The following LIPJ variants were observed in gnomAD, a reference collection of about 807,000 sequenced individuals.
The protein encoded by LIPJ is lipase member J.
A neutral mutation model predicts 39.8 loss-of-function variants in LIPJ; 33 were observed. The observed-to-expected ratio is 0.83, with a 90% CI of 0.63 to 1.11. LIPJ has a LOEUF of 1.11. LIPJ is among the 50% of genes least tolerant of loss of function. The pLI is 0.00. For synonymous variants in LIPJ, 128 were observed against 139.2 expected, an observed-to-expected ratio of 0.92 and a Z score of 0.57; for missense variants, 422 against 427.9, an observed-to-expected ratio of 0.99 and a Z score of 0.12.
At chr10:88,615,110 A>C in the LIPJ span, among the ~76,000 whole-genome samples, 2 of 152,210 alleles carry the variant, frequency 1.3e-5, no homozygotes, top group African/African-American at 4.8e-5. Flanking sequence ...GAGTAAGCAA[A>C]GATTTCTTAA....
chr10:88,608,740 T>C (rs1211046999), downstream of LIPJ, among the ~76,000 whole-genome samples: 4 of 152,206 alleles, frequency 2.6e-5, no homozygotes, highest in African/African-American at 9.7e-5. Context: ...GAAATTATTA[T>C]ACAAATGAGG....
chr10:88,586,155 A>T (rs1850909714), upstream of LIPJ, among the ~76,000 whole-genome samples: 1 of 152,152 alleles, frequency 6.6e-6, no homozygotes, highest in African/African-American at 2.4e-5. Flanking sequence ...GCTCTTTCAA[A>T]AACAGTTATC....
intron 5 of LIPJ, 187 bp downstream of exon 5, chr10:88,594,331 C>T (rs1851180803): frequency 1.8e-6 from 1 of 569,694 alleles, no homozygotes. Context: ...TTGATTCTTA[C>T]GTTTCAGCAA....
intron 10 of LIPJ, among the ~76,000 whole-genome samples, chr10:88,605,980 G>A (rs535322092): frequency 5.3e-5 from 8 of 152,178 alleles, no homozygotes; most frequent in South Asian, 2.1e-4. Flanking sequence ...AAAATACTGC[G>A]TTTTTTATAT....
chr10:88,589,540 T>TA (rs923096148), intron 2 of LIPJ, among the ~76,000 whole-genome samples: 2 of 151,912 alleles, frequency 1.3e-5, no homozygotes, highest in Non-Finnish European at 2.9e-5. Flanking sequence ...TTCTGTAAAT[T>TA]AAAGTTTTCA....
the LIPJ span, among the ~76,000 whole-genome samples, chr10:88,621,033 G>C: frequency 6.6e-6 from 1 of 152,204 alleles, no homozygotes; most frequent in South Asian, 2.1e-4. Flanking sequence ...CTACTCTCAT[G>C]ACCTAATTAC....
chr10:88,611,832 G>T (rs1851756132), downstream of LIPJ, among the ~76,000 whole-genome samples: 1 of 152,178 alleles, frequency 6.6e-6, no homozygotes, highest in Non-Finnish European at 1.5e-5. Context: ...TAAAAGTTTG[G>T]AAAACATATT....
downstream of LIPJ, among the ~76,000 whole-genome samples, chr10:88,608,295 A>G (rs530958785): frequency 2.6e-5 from 4 of 152,200 alleles, no homozygotes; most frequent in Admixed American, 6.5e-5. Context: ...TCTCACCACT[A>G]TGTTACCACC....
At chr10:88,607,714 A>G (rs1012311549), downstream of LIPJ, among the ~76,000 whole-genome samples, 2 of 152,232 alleles carry the variant, frequency 1.3e-5, no homozygotes, top group Non-Finnish European at 2.9e-5. Flanking sequence ...AATAAATGCA[A>G]CACATATAAT....
intron 5 of LIPJ, 79 bp from the exon 6 acceptor site, chr10:88,594,588 A>G (rs181578281): frequency 2.9e-5 from 19 of 647,234 alleles, no homozygotes; most frequent in Non-Finnish European, 4.3e-5. Context: ...GCCTTTATTC[A>G]GTTATCTCTT....
In LIPJ at chr10:88,602,654, C is replaced by T. The variant is rs764177993; in HGVS notation, c.795+7C>T. 2 of 1,345,686 alleles carry T rather than the reference C, an allele frequency of 1.5e-6. No individual in the cohort carries two copies. The highest frequency in any genetic ancestry group is 1.5e-5 in the African/African-American group (1 of 65,356). 83.4% of individuals were successfully genotyped at this position (1,345,686 alleles called of 1,614,324 possible). ...TATGCTTCATTGGAGTCAGGTATAA[C>T]TGCTAAAGTGCATTTCCATACAATT... is the stretch of plus-strand genomic sequence containing the variant. On this transcript the variant is annotated splice_region_variant and intron_variant, in intron 9 of 10. Coordinates refer to ENST00000371939, the Ensembl canonical transcript of LIPJ.
At chr10:88,603,041 A>G (rs148442267) in intron 9 of LIPJ, among the ~76,000 whole-genome samples, 1 of 152,286 alleles carries the variant, frequency 6.6e-6, no homozygotes, top group African/African-American at 2.4e-5. Flanking sequence ...GCAATGAGCC[A>G]ATACTGTACT....
chr10:88,594,521 A>G, intron 5 of LIPJ, 146 bp from the exon 6 acceptor site: 1 of 473,660 alleles, frequency 2.1e-6, no homozygotes, highest in Middle Eastern at 5.4e-4. Context: ...AGAAGTCTCT[A>G]TTCAGAAGAT....
At chr10:88,588,116 C>A (rs1349589877) in intron 2 of LIPJ, among the ~76,000 whole-genome samples, 2 of 151,608 alleles carry the variant, frequency 1.3e-5, no homozygotes, top group Non-Finnish European at 3.0e-5. Context: ...GTTTCACATA[C>A]CTAAATTGTT....
chr10:88,618,517 A>T, the LIPJ span: 1 of 152,438 alleles, frequency 6.6e-6, no homozygotes, highest in Non-Finnish European at 1.5e-5. Context: ...TTCTGACTTC[A>T]GGTTCGGGTA....
intron 6 of LIPJ, 149 bp downstream of exon 6, chr10:88,594,925 T>TA (rs1851207175): frequency 2.7e-6 from 1 of 376,114 alleles, no homozygotes; most frequent in Non-Finnish European, 4.8e-6. Context: ...CCTGGAATCT[T>TA]ACATGCTGCT....
the LIPJ span, among the ~76,000 whole-genome samples, chr10:88,620,427 A>G: frequency 6.6e-6 from 1 of 152,198 alleles, no homozygotes; most frequent in African/African-American, 2.4e-5. Flanking sequence ...AGATAACAGA[A>G]AACTCAACTA....
chr10:88,584,343 A>G (rs957955513), upstream of LIPJ: 5 of 152,236 alleles, frequency 3.3e-5, no homozygotes, highest in African/African-American at 1.2e-4. Context: ...ATCATTTACA[A>G]CTTGTGTGTT....
At chr10:88,591,845 T>C (rs1851090957) in intron 4 of LIPJ, 1 of 155,432 alleles carries the variant, frequency 6.4e-6, no homozygotes. Flanking sequence ...GAAAGGCTGG[T>C]ACAAATTTCC....
Sources: allele counts gnomAD v4.1 joint callset (sites outside exome capture counted in the v4.1 genomes callset), GRCh38; gene constraint gnomAD v4.1.1; transcripts MANE v1.5; gene names NCBI Gene and HGNC (gene_info 2026-07-23, HGNC 2026-07-21).